The following GZMM variants were observed in gnomAD, a reference collection of about 807,000 sequenced individuals.
GZMM encodes HU-Met-1.
A neutral mutation model predicts 19.2 loss-of-function variants in GZMM; 23 were observed. The ratio of observed to expected loss-of-function variants is 1.20; its 90% confidence interval spans 0.86 to 1.69. The LOEUF is 1.69. Among genes scored for constraint, GZMM ranks in the 40% most tolerant of loss-of-function variants. The probability of loss-of-function intolerance (pLI) is 0.00; values close to 1 mark genes in which losing one functional copy is unlikely to be tolerated. For missense variants in GZMM, 373 were observed against 352.2 expected, an observed-to-expected ratio of 1.06 and a Z score of -0.47; for synonymous variants, 178 against 160.2, an observed-to-expected ratio of 1.11 and a Z score of -0.84.
chr19:547,577 AGTGACCTGCGGCTGT>A (rs1171908003), intron 2 of GZMM, 141 bp downstream of exon 2: 18 of 593,330 alleles, frequency 3.0e-5, no homozygotes, highest in Non-Finnish European at 2.5e-6. Flanking sequence ...GGCAGGTTTA[AGTGACCTGCGGCTGT>A]GGGACTCCTG....
intron 1 of GZMM, among the ~76,000 whole-genome samples, chr19:546,470 G>A (rs1980285800): frequency 6.7e-6 from 1 of 148,910 alleles, no homozygotes; most frequent in Non-Finnish European, 1.5e-5. Flanking sequence ...GAACCCAGGA[G>A]GCAGAGGTTG....
chr19:544,990 T>C (rs112425795), intron 1 of GZMM, among the ~76,000 whole-genome samples: 2,378 of 139,496 alleles, frequency 0.017, 13 homozygotes, highest in African/African-American at 0.069. Flanking sequence ...CCCGTCATCC[T>C]TCCCTCCCTC....
At chr19:544,723 TCCC>T (rs1980193298) in intron 1 of GZMM, among the ~76,000 whole-genome samples, 2 of 66,808 alleles carry the variant, frequency 3.0e-5, no homozygotes, top group Non-Finnish European at 6.1e-5. Context: ...CCTCCCTCCC[TCCC>T]TCCCTCCCTC....
In GZMM at chr19:546,143, G is replaced by C. The variant is rs998496055; in HGVS notation, c.56-1137G>C. Among the ~76,000 whole-genome samples, 11 of 152,166 alleles carry C rather than the reference G, an allele frequency of 7.2e-5. 1 individual carries two copies. Among genetic ancestry groups the C allele is most frequent in the Non-Finnish European group, 1.5e-5 (1 of 68,040 alleles). On this transcript the variant is annotated intron_variant, in intron 1 of 4. Transcript: ENST00000264553. ...CAGAGAAGATTTTGAGCTGATTTACGTTACATTATGAAATCAATCCTTTTA... is the reference window on the plus strand; with the variant it reads ...CAGAGAAGATTTTGAGCTGATTTACCTTACATTATGAAATCAATCCTTTTA...
intron 2 of GZMM, among the ~76,000 whole-genome samples, chr19:547,930 C>T (rs1177343263): frequency 6.6e-6 from 1 of 152,138 alleles, no homozygotes; most frequent in Non-Finnish European, 1.5e-5. Flanking sequence ...ACTGGTCCGT[C>T]ATACAGAGCC....
Position 549,128 on chromosome 19 carries a change from C to T in GZMM, c.555C>T (p.Ser185=). Reference sequence around the variant, plus strand: ...ACAACAGCCGCTTCTGGAACGGCAGCCTCTCCCCCAGCATGGTCTGCCTGG... The same window carrying T: ...ACAACAGCCGCTTCTGGAACGGCAGTCTCTCCCCCAGCATGGTCTGCCTGG... The part of the protein sequence containing the change: ...MCNNSRFWNG[S]LSPSMVCLAA... The change falls in exon 4 of 5, where the codon AGC becomes AGT. Residue 185 remains serine (S), a synonymous_variant. Coordinates refer to ENST00000264553, the MANE Select transcript of GZMM (RefSeq NM_005317.4). The T allele has an allele frequency of 6.3e-7, 1 of 1,580,152 alleles. No individual in the cohort carries two copies. Among genetic ancestry groups the T allele is most frequent in the Non-Finnish European group, 8.6e-7 (1 of 1,164,108 alleles).
chr19:548,307 C>T (rs572408122), intron 2 of GZMM, among the ~76,000 whole-genome samples: 1 of 152,222 alleles, frequency 6.6e-6, no homozygotes, highest in South Asian at 2.1e-4. Flanking sequence ...GACACACAGC[C>T]CTTGCCTGGG....
At chr19:544,937 A>G (rs1432883889) in intron 1 of GZMM, among the ~76,000 whole-genome samples, 2 of 121,722 alleles carry the variant, frequency 1.6e-5, no homozygotes, top group African/African-American at 3.3e-5. Context: ...CCACCCGTCC[A>G]TCCATCATCC....
chr19:547,469 C>T (rs369284240), intron 2 of GZMM, 33 bp downstream of exon 2: 86 of 1,343,762 alleles, frequency 6.4e-5, no homozygotes, highest in African/African-American at 5.7e-4. Flanking sequence ...CCCAGGGGTC[C>T]GGGGAATCCA....
intron 1 of GZMM, among the ~76,000 whole-genome samples, chr19:546,434 G>A (rs940718925): frequency 2.0e-5 from 3 of 151,564 alleles, no homozygotes; most frequent in African/African-American, 7.3e-5. Context: ...CCAGCTACTC[G>A]GGAGGCTGAG....
chr19:547,244 A>C, intron 1 of GZMM, 36 bp from the exon 2 acceptor site: 1 of 1,466,396 alleles, frequency 6.8e-7, no homozygotes. Context: ...AGGGGCATGT[A>C]GCCCCAACCT....
At chr19:549,554 C>G (rs2145861801) in intron 4 of GZMM, 76 bp from the exon 5 acceptor site, 1 of 1,451,306 alleles carries the variant, frequency 6.9e-7, no homozygotes, top group Middle Eastern at 2.3e-4. Flanking sequence ...CCTGGCCCTG[C>G]TCCCCTCGGC....
chr19:547,586 C>T (rs889330290), intron 2 of GZMM, 150 bp downstream of exon 2: 17 of 540,504 alleles, frequency 3.1e-5, no homozygotes, highest in Non-Finnish European at 4.3e-5. Context: ...AAGTGACCTG[C>T]GGCTGTGGGA....
chr19:547,567 G>C (rs1193265102), intron 2 of GZMM, 131 bp downstream of exon 2: 2 of 681,550 alleles, frequency 2.9e-6, no homozygotes, highest in East Asian at 3.4e-5. Flanking sequence ...TGACGACTTA[G>C]GCAGGTTTAA....
chr19:544,272 C>T (rs1256947282), intron 1 of GZMM, 146 bp downstream of exon 1: 7 of 693,924 alleles, frequency 1.0e-5, no homozygotes, highest in Non-Finnish European at 1.7e-5. Flanking sequence ...AGGCCTGGGG[C>T]ATCCCGAGCT....
chr19:549,868 G>T lies in GZMM; in HGVS notation c.*77G>T, dbSNP rs1002626095. The T allele has an allele frequency of 1.5e-5, 8 of 525,398 alleles. No homozygotes were observed. The highest frequency in any genetic ancestry group is 5.2e-4 in the Middle Eastern group (1 of 1,910). 32.5% of individuals were successfully genotyped at this position (525,398 alleles called of 1,614,324 possible). On this transcript the variant is annotated 3_prime_UTR_variant, in exon 5 of 5. Transcript: ENST00000264553. ...CCAGGGGTGCAGTGGGGTGGGTGAG[G>T]ACGGGTGGGAGGGACAGGGAGGGAC...
intron 4 of GZMM, 97 bp downstream of exon 4, chr19:549,282 G>A (rs1214037579): frequency 8.5e-5 from 107 of 1,259,890 alleles, no homozygotes; most frequent in Non-Finnish European, 1.1e-4. Flanking sequence ...CCGTTCTCTG[G>A]GGAGTCCTGT....
At chr19:549,285 A>G in intron 4 of GZMM, 100 bp downstream of exon 4, 1 of 1,143,602 alleles carries the variant, frequency 8.7e-7, no homozygotes, top group South Asian at 1.6e-5. Context: ...TTCTCTGGGG[A>G]GTCCTGTCAG....
At chr19:547,573 T>A in intron 2 of GZMM, 137 bp downstream of exon 2, 1 of 617,180 alleles carries the variant, frequency 1.6e-6, no homozygotes, top group Non-Finnish European at 2.4e-6. Flanking sequence ...CTTAGGCAGG[T>A]TTAAGTGACC....
Sources: gnomAD v4.1 joint callset for allele counts (sites outside exome capture counted in the v4.1 genomes callset) on GRCh38, gnomAD v4.1.1 for gene constraint, MANE v1.5 for transcripts, NCBI Gene and HGNC (gene_info 2026-07-23, HGNC 2026-07-21) for gene names.